GRIN2B: variants seen among roughly 807,000 people sequenced by gnomAD.
GRIN2B encodes the protein glutamate receptor ionotropic, NMDA 2B.
In GRIN2B, 5 loss-of-function variants were observed where a neutral mutation model predicts 114.5. The observed-to-expected ratio is 0.04, with a 90% confidence interval of 0.02 to 0.09. GRIN2B has a LOEUF of 0.09. Ranked by LOEUF, GRIN2B falls within the 10% of genes least tolerant of loss-of-function variation. GRIN2B has a pLI of 1.00. For missense variants in GRIN2B, 1,108 were observed against 1,943.5 expected (o/e 0.57, Z 8.08); for synonymous variants, 787 against 745.1 (o/e 1.06, Z -0.92).
intron 2 of GRIN2B, among the ~76,000 whole-genome samples, chr12:13,893,196 T>A (rs938512470): frequency 1.3e-5 from 2 of 152,212 alleles, no homozygotes; most frequent in East Asian, 3.8e-4. Context: ...ATAGTAAACA[T>A]GCTCTATTTC....
chr12:13,661,386 C>G (rs1340434081), intron 5 of GRIN2B, among the ~76,000 whole-genome samples: 1 of 152,222 alleles, frequency 6.6e-6, no homozygotes, highest in Non-Finnish European at 1.5e-5. Flanking sequence ...CTTTTGCCTT[C>G]TACACTTCCA....
Position 13,548,259 on chromosome 12 carries a change from T to A in GRIN2B, c.*14524A>T, listed in dbSNP as rs1434287885. On this transcript the variant is annotated 3_prime_UTR_variant, in exon 14 of 14. Transcript: ENST00000609686. ...AAGGGATACTTGAAATAGGAAGATA[T>A]CTTTATGTTGTGTATACTCGGTTTA... The A allele has an allele frequency of 6.6e-6, 1 of 151,870 alleles. No individual in the cohort carries two copies. Among genetic ancestry groups the A allele is most frequent in the African/African-American group, 2.4e-5 (1 of 41,362 alleles). The allele number at this position is 151,870 out of a possible 1,614,324, so 9.4% of individuals were successfully genotyped here. A position where few individuals can be genotyped will look rare whatever the true frequency, so the allele number is the denominator to read the frequency against.
chr12:13,664,873 C>T (rs1050776219), intron 5 of GRIN2B, among the ~76,000 whole-genome samples: 1 of 152,204 alleles, frequency 6.6e-6, no homozygotes, highest in Admixed American at 6.5e-5. Flanking sequence ...TTTAAATTCC[C>T]CTCAGTGTTT....
At chr12:13,959,941 G>A (rs922821701) in intron 2 of GRIN2B, among the ~76,000 whole-genome samples, 1 of 152,070 alleles carries the variant, frequency 6.6e-6, no homozygotes, top group Non-Finnish European at 1.5e-5. Context: ...GCATTCAAGG[G>A]AGTGGAGGAC....
At chr12:13,598,534 C>T (rs143690270) in intron 10 of GRIN2B, among the ~76,000 whole-genome samples, 1 of 152,212 alleles carries the variant, frequency 6.6e-6, no homozygotes, top group East Asian at 1.9e-4. Context: ...GGGGTGGATA[C>T]CAAGCTCTCT....
chr12:13,562,435 A>C lies in GRIN2B; in HGVS notation c.*348T>G, dbSNP rs1168153954. 2 of 282,066 alleles carry C rather than the reference A, an allele frequency of 7.1e-6. No individual in the cohort carries two copies. Among genetic ancestry groups the C allele is most frequent in the East Asian group, 1.5e-4 (2 of 13,530 alleles). The allele number at this position is 282,066 out of a possible 1,614,324, so 17.5% of individuals were successfully genotyped here. A position where few individuals can be genotyped will look rare whatever the true frequency, so the allele number is the denominator to read the frequency against. ...CTTTTTGGTTCTCCCAGCTTCACTC[A>C]AAGAGGATATCAAGGAGCTCTTCCA... On this transcript the variant is annotated 3_prime_UTR_variant, in exon 14 of 14. Transcript: ENST00000609686.
At chr12:13,980,824 G>C (rs1055941673) in intron 1 of GRIN2B, among the ~76,000 whole-genome samples, 1 of 152,110 alleles carries the variant, frequency 6.6e-6, no homozygotes, top group Admixed American at 6.5e-5. Flanking sequence ...CTCCCACCCC[G>C]GGCTTGTGCT....
At chr12:13,576,546 CTTTTTTCTTTTTTTT>C (rs1210043655) in intron 10 of GRIN2B, among the ~76,000 whole-genome samples, 1 of 148,350 alleles carries the variant, frequency 6.7e-6, no homozygotes, top group South Asian at 2.2e-4. Context: ...TTTCTTTTTT[CTTTTTTCTTTTTTTT>C]TTTGAAACAG....
chr12:13,763,211 T>C (rs1863714351), intron 3 of GRIN2B, among the ~76,000 whole-genome samples: 1 of 152,218 alleles, frequency 6.6e-6, no homozygotes, highest in Non-Finnish European at 1.5e-5. Flanking sequence ...CACCAAGTAC[T>C]GCCTTCTGAT....
At chr12:13,978,923 C>A (rs928237852) in intron 2 of GRIN2B, among the ~76,000 whole-genome samples, 9 of 152,218 alleles carry the variant, frequency 5.9e-5, no homozygotes, top group Admixed American at 5.2e-4. Flanking sequence ...AATCACATTT[C>A]ACATATTGTA....
At chr12:13,638,766 G>T (rs1270000269) in intron 5 of GRIN2B, among the ~76,000 whole-genome samples, 1 of 152,050 alleles carries the variant, frequency 6.6e-6, no homozygotes, top group East Asian at 1.9e-4. Flanking sequence ...AAGAAGTCCT[G>T]TTACCCAGAG....
At chr12:13,731,182 C>T (rs1375070212) in intron 4 of GRIN2B, among the ~76,000 whole-genome samples, 1 of 152,180 alleles carries the variant, frequency 6.6e-6, no homozygotes, top group Non-Finnish European at 1.5e-5. Context: ...TTCCAGACTG[C>T]ATAGCTGTAG....
rs371565622 is a variant in GRIN2B, at chr12:13,819,189, TGTGA to T, written c.411+46605_411+46608del. Among the ~76,000 whole-genome samples the T allele has an allele frequency of 3.0e-3, 460 of 152,240 alleles. 2 individuals are homozygous for T. Among genetic ancestry groups the T allele is most frequent in the African/African-American group, 0.011 (451 of 41,544 alleles). On this transcript the variant is annotated intron_variant, in intron 3 of 13. Coordinates refer to ENST00000609686, the MANE Select transcript of GRIN2B (RefSeq NM_000834.5). ...ACACAGCCATTTAGAAGAAAGACCG[TGTGA>T]GTGAGAGAGAAGGTGGCCATCTACA... is the stretch of plus-strand genomic sequence containing the variant.
intron 3 of GRIN2B, among the ~76,000 whole-genome samples, chr12:13,852,000 C>T (rs1368856233): frequency 1.3e-5 from 2 of 152,146 alleles, no homozygotes; most frequent in East Asian, 1.9e-4. Context: ...TCCTGGGAAG[C>T]CTGTTGCCCT....
intron 10 of GRIN2B, among the ~76,000 whole-genome samples, chr12:13,584,130 C>T (rs931359172): frequency 2.0e-5 from 3 of 152,106 alleles, no homozygotes; most frequent in African/African-American, 7.2e-5. Context: ...CCTTCTCTCC[C>T]ACTCTCCTCC....
At chr12:13,957,457 A>C (rs1231562754) in intron 2 of GRIN2B, among the ~76,000 whole-genome samples, 2 of 151,928 alleles carry the variant, frequency 1.3e-5, no homozygotes, top group Admixed American at 1.3e-4. Context: ...CACCCAATGA[A>C]CTCATCTTCA....
chr12:13,694,462 G>A (rs1305499455), intron 4 of GRIN2B, among the ~76,000 whole-genome samples: 1 of 151,590 alleles, frequency 6.6e-6, no homozygotes, highest in African/African-American at 2.4e-5. Flanking sequence ...TGTGTTACAG[G>A]TGTCTTATGT....
chr12:13,775,393 C>A (rs1160468670), intron 3 of GRIN2B, among the ~76,000 whole-genome samples: 1 of 152,148 alleles, frequency 6.6e-6, no homozygotes, highest in Non-Finnish European at 1.5e-5. Context: ...CAATGTTTTT[C>A]CTTAACTGTG....
At chr12:13,566,963 T>C (rs1456185506) in intron 13 of GRIN2B, 62 bp downstream of exon 13, 1 of 1,137,918 alleles carries the variant, frequency 8.8e-7, no homozygotes, top group African/African-American at 1.5e-5. Context: ...TCTCTCTGCT[T>C]TGCACAGTGC....
Sources: gnomAD v4.1 joint callset for allele counts (sites outside exome capture counted in the v4.1 genomes callset) on GRCh38, gnomAD v4.1.1 for gene constraint, MANE v1.5 for transcripts, NCBI Gene and HGNC (gene_info 2026-07-23, HGNC 2026-07-21) for gene names.